The following SCUBE1 variants were observed in gnomAD, a reference collection of about 807,000 sequenced individuals.
SCUBE1 encodes the protein signal peptide, CUB domain and EGF like domain containing 1.
SCUBE1 carries 59 observed loss-of-function variants against 124.4 expected under a neutral mutation model. The observed-to-expected ratio is 0.47, with a 90% CI of 0.38 to 0.59. The LOEUF is 0.59. Among genes scored for constraint, SCUBE1 ranks in the 20% least tolerant of loss-of-function variants. The pLI is 0.00. For synonymous variants in SCUBE1, 545 were observed against 550.9 expected, an observed-to-expected ratio of 0.99 and a Z score of 0.15; for missense variants, 1,150 against 1,371.2, an observed-to-expected ratio of 0.84 and a Z score of 2.55.
At chr22:43,311,566 G>A (rs1601881537) in intron 3 of SCUBE1, among the ~76,000 whole-genome samples, 1 of 151,292 alleles carries the variant, frequency 6.6e-6, no homozygotes, top group Non-Finnish European at 1.5e-5. Flanking sequence ...GACTAGAGGC[G>A]CCTGCCACCA....
At chr22:43,214,773 G>A (rs1226279616) in intron 15 of SCUBE1, among the ~76,000 whole-genome samples, 3 of 152,228 alleles carry the variant, frequency 2.0e-5, no homozygotes, top group Non-Finnish European at 4.4e-5. Flanking sequence ...TGAAGACAGC[G>A]CAGTCTGGTT....
At chr22:43,206,413 G>A (rs1200447739) in intron 21 of SCUBE1, among the ~76,000 whole-genome samples, 2 of 152,070 alleles carry the variant, frequency 1.3e-5, no homozygotes, top group Non-Finnish European at 2.9e-5. Context: ...ACACACGCGT[G>A]CCCTGAACCC....
chr22:43,209,545 C>T (rs138574337), intron 19 of SCUBE1, among the ~76,000 whole-genome samples: 1 of 152,188 alleles, frequency 6.6e-6, no homozygotes, highest in Non-Finnish European at 1.5e-5. Context: ...CTGACGGGGG[C>T]GGATGAGCCA....
At chr22:43,245,439 C>G (rs1256058566) in intron 6 of SCUBE1, among the ~76,000 whole-genome samples, 1 of 152,198 alleles carries the variant, frequency 6.6e-6, no homozygotes, top group Non-Finnish European at 1.5e-5. Context: ...ACAGTGCATG[C>G]AGGTGGTGGC....
chr22:43,343,205 G>C lies in SCUBE1; in HGVS notation c.57C>G (p.Arg19=). 1 of 1,204,884 alleles carries C rather than the reference G, an allele frequency of 8.3e-7. No individual in the cohort carries two copies. The highest frequency in any genetic ancestry group is 1.0e-6 in the Non-Finnish European group (1 of 965,868). 74.6% of individuals were successfully genotyped at this position (1,204,884 alleles called of 1,614,324 possible). A position where few individuals can be genotyped will look rare whatever the true frequency, so the allele number is the denominator to read the frequency against. Residue 19 remains arginine (R), a synonymous_variant, in exon 1 of 22, where the codon CGC becomes CGG. Transcript: ENST00000360835. ...HLCVLLALGT[R]GRLAGGSGLP... is the part of the protein sequence containing the mutation. ...GCCCGCTGCCCCCGGCCAGCCGCCCGCGTGTGCCCAGGGCCAGCAGCACGC... is the reference window on the plus strand; with the variant it reads ...GCCCGCTGCCCCCGGCCAGCCGCCCCCGTGTGCCCAGGGCCAGCAGCACGC...
chr22:43,218,602 C>T, intron 14 of SCUBE1, 144 bp from the exon 15 acceptor site: 1 of 817,204 alleles, frequency 1.2e-6, no homozygotes, highest in Non-Finnish European at 1.9e-6. Flanking sequence ...GGGCAAGGGG[C>T]CACTGTCATG....
chr22:43,247,482 C>G (rs5996297), intron 6 of SCUBE1, among the ~76,000 whole-genome samples: 91,770 of 152,118 alleles, frequency 0.6, 28,260 homozygotes, highest in African/African-American at 0.68. Context: ...ACGGTCCTTA[C>G]AGCAATGACA....
rs1920966956 is a variant in SCUBE1, at chr22:43,199,088, TCTGTCTG to T, written c.*4902_*4908del. On this transcript the variant is annotated 3_prime_UTR_variant, in exon 22 of 22. Coordinates refer to ENST00000360835, the MANE Select transcript of SCUBE1 (RefSeq NM_173050.5). ...TCTGCTGTCCGGGGCAGTTTGTTTG[TCTGTCTG>T]CTGTCTGGGGCAGTTTGTCATCTGT... 2 of 210,074 alleles carry T rather than the reference TCTGTCTG, an allele frequency of 9.5e-6. No individual in the cohort carries two copies. The highest frequency in any genetic ancestry group is 2.0e-4 in the African/African-American group (2 of 9,762). The allele number at this position is 210,074 out of a possible 1,614,324, so 13.0% of individuals were successfully genotyped here. A position where few individuals can be genotyped will look rare whatever the true frequency, so the allele number is the denominator to read the frequency against.
At chr22:43,227,591 T>G in intron 9 of SCUBE1, 95 bp from the exon 10 acceptor site, 34 of 1,485,338 alleles carry the variant, frequency 2.3e-5, no homozygotes, top group African/African-American at 4.1e-5. Flanking sequence ...AAGAATCTCC[T>G]GACCCCACCG....
intron 3 of SCUBE1, among the ~76,000 whole-genome samples, chr22:43,294,391 A>T (rs1925482144): frequency 6.6e-6 from 1 of 151,998 alleles, no homozygotes; most frequent in Non-Finnish European, 1.5e-5. Context: ...GGTCTGTGAG[A>T]TGCCGCCCAT....
chr22:43,337,746 T>C (rs5759290), intron 2 of SCUBE1, among the ~76,000 whole-genome samples: 15 of 152,104 alleles, frequency 9.9e-5, no homozygotes, highest in Admixed American at 8.5e-4. Flanking sequence ...ACCACCAGCA[T>C]CCCAGGGAGG....
chr22:43,224,729 C>A (rs1922235692), intron 10 of SCUBE1, among the ~76,000 whole-genome samples: 1 of 152,132 alleles, frequency 6.6e-6, no homozygotes, highest in Non-Finnish European at 1.5e-5. Context: ...AGGTCACTGA[C>A]TGCACGGCCC....
intron 3 of SCUBE1, among the ~76,000 whole-genome samples, chr22:43,307,359 CA>C (rs1326824970): frequency 1.3e-5 from 2 of 152,240 alleles, no homozygotes; most frequent in Non-Finnish European, 2.9e-5. Flanking sequence ...TGCAGAACAG[CA>C]GGTGTATGGA....
chr22:43,225,504 C>T (rs1227720039), intron 10 of SCUBE1, among the ~76,000 whole-genome samples: 4 of 151,322 alleles, frequency 2.6e-5, no homozygotes, highest in East Asian at 2.0e-4. Context: ...CGGCCGGGCT[C>T]GGTGGCTCAC....
chr22:43,266,212 C>G (rs1357239873), intron 4 of SCUBE1, among the ~76,000 whole-genome samples: 2 of 152,202 alleles, frequency 1.3e-5, no homozygotes, highest in African/African-American at 4.8e-5. Flanking sequence ...CCGCGCGAGC[C>G]AGGCTCACCC....
chr22:43,280,721 TC>T (rs1924769041), intron 4 of SCUBE1, among the ~76,000 whole-genome samples: 2 of 63,186 alleles, frequency 3.2e-5, no homozygotes, highest in African/African-American at 1.5e-4. Context: ...TCGGCCACCC[TC>T]CTGTCACCTT....
chr22:43,281,653 G>A (rs760706750), intron 4 of SCUBE1, among the ~76,000 whole-genome samples: 7 of 149,832 alleles, frequency 4.7e-5, no homozygotes, highest in East Asian at 2.0e-4. Context: ...TCCTCCCGTC[G>A]TCTCCCCCTC....
At chr22:43,231,941 G>A (rs1473331116) in intron 7 of SCUBE1, 66 bp from the exon 8 acceptor site, 4 of 1,589,018 alleles carry the variant, frequency 2.5e-6, no homozygotes, top group Non-Finnish European at 3.4e-6. Flanking sequence ...CCAGCGGGGG[G>A]ACGGCAGGCT....
At chr22:43,275,320 C>T (rs1326924457) in intron 4 of SCUBE1, among the ~76,000 whole-genome samples, 1 of 152,248 alleles carries the variant, frequency 6.6e-6, no homozygotes, top group East Asian at 1.9e-4. Context: ...CGTCCCTCTC[C>T]TGGCGGTGGG....
Sources: gnomAD v4.1 joint callset for allele counts (sites outside exome capture counted in the v4.1 genomes callset) on GRCh38, gnomAD v4.1.1 for gene constraint, MANE v1.5 for transcripts, NCBI Gene and HGNC (gene_info 2026-07-23, HGNC 2026-07-21) for gene names.